B3GALT1: variants seen among roughly 807,000 people sequenced by gnomAD.
B3GALT1 encodes beta-1,3-galactosyltransferase 1, also known as UDP-Gal:betaGlcNAc beta 1,3-galactosyltransferase, polypeptide 1.
A neutral mutation model predicts 23.2 loss-of-function variants in B3GALT1; 10 were observed. The ratio of observed to expected loss-of-function variants is 0.43; its 90% CI spans 0.27 to 0.73. The LOEUF (loss-of-function observed/expected upper bound fraction) is 0.73. Among genes scored for constraint, B3GALT1 ranks in the 30% least tolerant of loss-of-function variants. The pLI is 0.21. For missense variants in B3GALT1, 299 were observed against 405.4 expected (o/e 0.74, Z 2.25); for synonymous variants, 156 against 141.5 (o/e 1.10, Z -0.73).
At chr2:167,793,743 G>A (rs745421477) in intron 3 of B3GALT1, among the ~76,000 whole-genome samples, 1 of 152,166 alleles carries the variant, frequency 6.6e-6, no homozygotes, top group Non-Finnish European at 1.5e-5. Context: ...CTAACCTAAT[G>A]TTTGGCTTGC....
At chr2:167,548,543 A>G (rs1683682706) in intron 2 of B3GALT1, among the ~76,000 whole-genome samples, 1 of 152,092 alleles carries the variant, frequency 6.6e-6, no homozygotes, top group Admixed American at 6.6e-5. Context: ...CCTGGAATGC[A>G]TAGGTGTGGC....
intron 2 of B3GALT1, among the ~76,000 whole-genome samples, chr2:167,643,787 A>G (rs1331354831): frequency 1.3e-5 from 2 of 152,212 alleles, no homozygotes; most frequent in African/African-American, 2.4e-5. Flanking sequence ...AGTATGATTT[A>G]TATAGGTTGG....
intron 3 of B3GALT1, among the ~76,000 whole-genome samples, chr2:167,768,325 C>T (rs761131086): frequency 3.3e-5 from 5 of 152,202 alleles, no homozygotes; most frequent in Non-Finnish European, 7.3e-5. Flanking sequence ...AAAAATTTTT[C>T]TCTACACTGA....
At chr2:167,800,177 A>C (rs561965386) in intron 3 of B3GALT1, among the ~76,000 whole-genome samples, 2 of 152,242 alleles carry the variant, frequency 1.3e-5, no homozygotes, top group Non-Finnish European at 2.9e-5. Context: ...ATGCAGTCCA[A>C]TTAAACTTTT....
chr2:167,594,081 A>G (rs969592002), intron 2 of B3GALT1, among the ~76,000 whole-genome samples: 23 of 152,232 alleles, frequency 1.5e-4, no homozygotes, highest in Admixed American at 9.8e-4. Context: ...CTTACAAAAA[A>G]TAGCCACTTA....
chr2:167,666,089 T>C (rs1044283918), intron 3 of B3GALT1, among the ~76,000 whole-genome samples: 1 of 148,590 alleles, frequency 6.7e-6, no homozygotes, highest in African/African-American at 2.6e-5. Flanking sequence ...GGGCATTTAG[T>C]GCTGTAAATT....
chr2:167,758,593 C>A (rs1687855241), intron 3 of B3GALT1, among the ~76,000 whole-genome samples: 1 of 152,118 alleles, frequency 6.6e-6, no homozygotes, highest in East Asian at 1.9e-4. Context: ...TGCTCCCCAC[C>A]ACTGCTCTGC....
chr2:167,766,867 T>A (rs915701975), intron 3 of B3GALT1, among the ~76,000 whole-genome samples: 1 of 152,144 alleles, frequency 6.6e-6, no homozygotes. Context: ...AACAAAAAAG[T>A]GCCTTAAGCA....
chr2:167,861,044 C>T (rs769126987), intron 4 of B3GALT1, among the ~76,000 whole-genome samples: 10 of 152,204 alleles, frequency 6.6e-5, no homozygotes, highest in South Asian at 6.2e-4. Flanking sequence ...TGAAGTCTTG[C>T]GGAGCAAAGT....
chr2:167,791,660 G>C (rs1011904384), intron 3 of B3GALT1, among the ~76,000 whole-genome samples: 1 of 152,090 alleles, frequency 6.6e-6, no homozygotes, highest in African/African-American at 2.4e-5. Flanking sequence ...AATCCATTTT[G>C]TAAAATATAG....
intron 1 of B3GALT1, among the ~76,000 whole-genome samples, chr2:167,349,478 G>A (rs1697277552): frequency 6.6e-6 from 1 of 152,132 alleles, no homozygotes; most frequent in Admixed American, 6.5e-5. Flanking sequence ...ATATGAAAAA[G>A]TGAAAGTTCT....
At chr2:167,520,627 G>T (rs548428142) in intron 2 of B3GALT1, among the ~76,000 whole-genome samples, 1 of 152,268 alleles carries the variant, frequency 6.6e-6, no homozygotes, top group South Asian at 2.1e-4. Context: ...GCTCTTGATT[G>T]GTTTGCTTTT....
intron 1 of B3GALT1, among the ~76,000 whole-genome samples, chr2:167,429,141 C>T (rs542521804): frequency 6.9e-4 from 105 of 151,990 alleles, no homozygotes; most frequent in African/African-American, 2.5e-3. Flanking sequence ...ATTAGCCGGG[C>T]ATGGTGGCGG....
intron 3 of B3GALT1, among the ~76,000 whole-genome samples, chr2:167,712,457 G>T (rs1286965135): frequency 6.6e-6 from 1 of 151,374 alleles, no homozygotes; most frequent in Non-Finnish European, 1.5e-5. Flanking sequence ...ATGCCATAGA[G>T]CACAGCCAGA....
At chr2:167,541,766 T>G (rs2105374189) in intron 2 of B3GALT1, among the ~76,000 whole-genome samples, 1 of 152,218 alleles carries the variant, frequency 6.6e-6, no homozygotes, top group African/African-American at 2.4e-5. Flanking sequence ...AGTGGCCACA[T>G]AAGGATACAA....
In B3GALT1 at chr2:167,310,927, C is replaced by T. The variant is rs572418855; in HGVS notation, c.-511+17593C>T. 3.3e-5 allele frequency among the ~76,000 whole-genome samples: 5 copies of T among 152,112 alleles called. No homozygotes were observed. In the South Asian group the frequency reaches 1.0e-3, roughly 32 times the overall value. On this transcript the variant is annotated intron_variant, in intron 1 of 4. Coordinates refer to ENST00000392690, the MANE Select transcript of B3GALT1 (RefSeq NM_020981.4). Reference sequence around the variant, plus strand: ...TTTGATTCAACATTTTATATAAGGACAGTGGCAGAAACTAAGGTGCTGTGG... The same window carrying T: ...TTTGATTCAACATTTTATATAAGGATAGTGGCAGAAACTAAGGTGCTGTGG...
At chr2:167,535,711 T>C (rs948977300) in intron 2 of B3GALT1, among the ~76,000 whole-genome samples, 1 of 152,072 alleles carries the variant, frequency 6.6e-6, no homozygotes, top group Non-Finnish European at 1.5e-5. Flanking sequence ...AGTAATAAGA[T>C]TGGAAAAGTT....
At chr2:167,470,160 A>G (rs988012676) in intron 1 of B3GALT1, among the ~76,000 whole-genome samples, 2 of 152,126 alleles carry the variant, frequency 1.3e-5, no homozygotes, top group African/African-American at 4.8e-5. Flanking sequence ...GATTTCTGCT[A>G]TACCCATAGG....
rs1429287023 is a variant in B3GALT1, at chr2:167,592,910, G to GA, written c.-409-53995dup. 6.6e-5 allele frequency among the ~76,000 whole-genome samples: 10 copies of GA among 152,094 alleles called. No homozygotes were observed. The East Asian group carries it at 1.9e-3, about 29-fold the overall frequency. On this transcript the variant is annotated intron_variant, in intron 2 of 4. Transcript: ENST00000392690. ...ACTACACAGCAAAAGAAACAAAAAAGAAAAGAAAAAAGATGGTCAGTGTCA... is the reference window on the plus strand; with the variant it reads ...ACTACACAGCAAAAGAAACAAAAAAGAAAAAGAAAAAAGATGGTCAGTGTCA...
Sources: gnomAD v4.1 joint callset for allele counts (sites outside exome capture counted in the v4.1 genomes callset) on GRCh38, gnomAD v4.1.1 for gene constraint, MANE v1.5 for transcripts, NCBI Gene and HGNC (gene_info 2026-07-23, HGNC 2026-07-21) for gene names.